The following OPCML variants were observed in gnomAD, a reference collection of about 807,000 sequenced individuals.
OPCML encodes the protein opioid binding protein/cell adhesion molecule like.
A neutral mutation model predicts 37.8 loss-of-function variants in OPCML; 13 were observed. The observed-to-expected ratio is 0.34, with a 90% CI of 0.22 to 0.55. The LOEUF (loss-of-function observed/expected upper bound fraction) is 0.55, where lower values mean the gene tolerates loss of function less well. Ranked by LOEUF, OPCML falls within the 20% of genes least tolerant of loss-of-function variation. The pLI, the probability that OPCML is intolerant of heterozygous loss-of-function variation, is 0.91. For synonymous variants in OPCML, 176 were observed against 168.8 expected, an observed-to-expected ratio of 1.04 and a Z score of -0.33; for missense variants, 341 against 435.6, an observed-to-expected ratio of 0.78 and a Z score of 1.93.
At chr11:132,736,789 C>T (rs557174483) in intron 2 of OPCML, among the ~76,000 whole-genome samples, 80 of 152,220 alleles carry the variant, frequency 5.3e-4, no homozygotes, top group African/African-American at 1.9e-3. Flanking sequence ...GACCACTGCC[C>T]CATTGACATA....
chr11:132,997,439 CCT>C (rs1205697833), intron 1 of OPCML, among the ~76,000 whole-genome samples: 12 of 152,292 alleles, frequency 7.9e-5, no homozygotes, highest in African/African-American at 2.9e-4. Context: ...GAGCTGATGC[CCT>C]GTCATCTGTT....
intron 1 of OPCML, among the ~76,000 whole-genome samples, chr11:133,158,604 G>A (rs1020349962): frequency 1.3e-5 from 2 of 152,036 alleles, no homozygotes; most frequent in Middle Eastern, 3.4e-3. Flanking sequence ...GGAGGCTGAG[G>A]CAGGAGAATC....
intron 1 of OPCML, among the ~76,000 whole-genome samples, chr11:133,097,520 G>A (rs898166886): frequency 6.6e-5 from 10 of 151,870 alleles, no homozygotes; most frequent in African/African-American, 2.4e-4. Context: ...AGTACAATTA[G>A]AACAAACGTC....
intron 1 of OPCML, among the ~76,000 whole-genome samples, chr11:133,122,857 A>G (rs754904214): frequency 2.0e-5 from 3 of 152,218 alleles, no homozygotes; most frequent in Non-Finnish European, 2.9e-5. Context: ...TGACACTGCT[A>G]TGGCATTTGG....
chr11:133,286,772 A>T (rs1942311651), intron 1 of OPCML, among the ~76,000 whole-genome samples: 1 of 152,180 alleles, frequency 6.6e-6, no homozygotes, highest in Non-Finnish European at 1.5e-5. Flanking sequence ...TCCATGAATA[A>T]AAGGAACAAC....
chr11:133,128,166 G>A (rs1949545427), intron 1 of OPCML, among the ~76,000 whole-genome samples: 1 of 152,096 alleles, frequency 6.6e-6, no homozygotes, highest in South Asian at 2.1e-4. Flanking sequence ...TGCTGAGAGT[G>A]GAGGCATACT....
At chr11:132,459,215 C>T (rs1227050459) in intron 4 of OPCML, among the ~76,000 whole-genome samples, 1 of 152,098 alleles carries the variant, frequency 6.6e-6, no homozygotes, top group Non-Finnish European at 1.5e-5. Flanking sequence ...CTCCTGGCCT[C>T]AGGCCTTCAG....
rs78179274 is a variant in OPCML, at chr11:132,676,888, A to G, written c.147-19569T>C. Among the ~76,000 whole-genome samples, 404 of 152,052 alleles carry G rather than the reference A, an allele frequency of 2.7e-3. 2 individuals carry two copies. The highest frequency in any genetic ancestry group is 9.2e-3 in the African/African-American group (383 of 41,548). ...ACTACTTTTCAACGCTGTACTAAAC[A>G]GCCTGGCTAATGCATTAAGACAAGA... On this transcript the variant is annotated intron_variant, in intron 2 of 7. Transcript: ENST00000524381.
At chr11:132,437,754 G>A (rs1239793590) in intron 4 of OPCML, among the ~76,000 whole-genome samples, 19 of 152,176 alleles carry the variant, frequency 1.2e-4, no homozygotes, top group Admixed American at 1.2e-3. Context: ...TAACTTTAGG[G>A]TATGTTACTG....
chr11:132,974,911 G>C (rs1379826247), intron 1 of OPCML, among the ~76,000 whole-genome samples: 1 of 151,430 alleles, frequency 6.6e-6, no homozygotes, highest in African/African-American at 2.4e-5. Flanking sequence ...TCTGTTTAAG[G>C]CCCTCTCGTC....
At chr11:132,621,131 G>A (rs989157461) in intron 3 of OPCML, among the ~76,000 whole-genome samples, 2 of 152,230 alleles carry the variant, frequency 1.3e-5, no homozygotes, top group African/African-American at 4.8e-5. Flanking sequence ...ATAGCTACCA[G>A]ATGGCTACAA....
At chr11:133,506,412 C>T (rs1193880778) in intron 1 of OPCML, among the ~76,000 whole-genome samples, 6 of 152,124 alleles carry the variant, frequency 3.9e-5, no homozygotes, top group African/African-American at 7.2e-5. Flanking sequence ...GTAATGAGCG[C>T]GGGGGCTCAG....
chr11:132,954,451 A>G (rs1440396786), intron 1 of OPCML, among the ~76,000 whole-genome samples: 4 of 152,158 alleles, frequency 2.6e-5, no homozygotes, highest in African/African-American at 4.8e-5. Context: ...ACTCAAAGGA[A>G]AAGTTCACTT....
At chr11:132,663,418 C>T (rs1165830043) in intron 2 of OPCML, among the ~76,000 whole-genome samples, 1 of 152,126 alleles carries the variant, frequency 6.6e-6, no homozygotes, top group East Asian at 1.9e-4. Context: ...ACATAGAGTC[C>T]ATGGGCTCTT....
At chr11:132,666,620 G>T (rs1450167083) in intron 2 of OPCML, among the ~76,000 whole-genome samples, 7 of 152,186 alleles carry the variant, frequency 4.6e-5, no homozygotes, top group African/African-American at 1.7e-4. Flanking sequence ...TAACATAATT[G>T]TTAGATTAAC....
intron 1 of OPCML, among the ~76,000 whole-genome samples, chr11:133,030,986 C>T (rs535350786): frequency 6.6e-6 from 1 of 152,202 alleles, no homozygotes; most frequent in Non-Finnish European, 1.5e-5. Context: ...ACTGTTTCTT[C>T]GTGTTCCCTT....
chr11:132,627,952 G>A (rs1398600969), intron 3 of OPCML, among the ~76,000 whole-genome samples: 1 of 152,142 alleles, frequency 6.6e-6, no homozygotes, highest in Non-Finnish European at 1.5e-5. Flanking sequence ...TTGGAAAGGT[G>A]ATAGTAGTGA....
intron 2 of OPCML, among the ~76,000 whole-genome samples, chr11:132,795,730 C>G (rs1938267474): frequency 6.6e-6 from 1 of 152,174 alleles, no homozygotes; most frequent in South Asian, 2.1e-4. Context: ...CAAAGTCCAT[C>G]CACGCTCCAC....
chr11:132,533,006 T>C (rs1223490248), intron 3 of OPCML, among the ~76,000 whole-genome samples: 3 of 152,232 alleles, frequency 2.0e-5, no homozygotes, highest in African/African-American at 7.2e-5. Context: ...GACAAGTATC[T>C]GTAGCAAATG....
Sources: gnomAD v4.1 joint callset for allele counts (sites outside exome capture counted in the v4.1 genomes callset) on GRCh38, gnomAD v4.1.1 for gene constraint, MANE v1.5 for transcripts, NCBI Gene and HGNC (gene_info 2026-07-23, HGNC 2026-07-21) for gene names.